Variants in NT5DC3 observed in about 807,000 individuals in gnomAD.
NT5DC3 encodes 5'-nucleotidase domain containing 3.
NT5DC3 carries 42 observed loss-of-function variants against 67.8 expected under a neutral mutation model. The ratio of observed to expected loss-of-function variants is 0.62; its 90% CI spans 0.48 to 0.80. The LOEUF (loss-of-function observed/expected upper bound fraction) is 0.80. Ranked by LOEUF, NT5DC3 falls within the 30% of genes least tolerant of loss-of-function variation. NT5DC3 has a pLI of 0.00. For synonymous variants in NT5DC3, 237 were observed against 255.6 expected (o/e 0.93, Z 0.69); for missense variants, 570 against 696.4 (o/e 0.82, Z 2.04).
chr12:103,785,787 CA>C (rs1427478153), intron 11 of NT5DC3: 15 of 476,222 alleles, frequency 3.1e-5, no homozygotes, highest in East Asian at 5.3e-5. Flanking sequence ...AAAATGAGGT[CA>C]GGGGCAGAAA....
In NT5DC3 at chr12:103,773,558, A is replaced by G. The variant is rs1885244132; in HGVS notation, c.*4271T>C. On this transcript the variant is annotated 3_prime_UTR_variant, in exon 14 of 14. Transcript: ENST00000392876. ...CTCCTAAGGCAAAAAAGAAAGAAAG[A>G]AAAACCTGGTACAAAAGAAAGTCGA... 6.6e-6 allele frequency: 1 copy of G among 152,262 alleles called. No homozygotes were observed. The highest frequency in any genetic ancestry group is 2.1e-4 in the South Asian group (1 of 4,832). 9.4% of individuals were successfully genotyped at this position (152,262 alleles called of 1,614,324 possible). A position where few individuals can be genotyped will look rare whatever the true frequency, so the allele number is the denominator to read the frequency against.
intron 3 of NT5DC3, among the ~76,000 whole-genome samples, 180 bp from the exon 4 acceptor site, chr12:103,806,557 G>A (rs1886808090): frequency 6.6e-6 from 1 of 152,072 alleles, no homozygotes; most frequent in Admixed American, 6.5e-5. Flanking sequence ...TTAAAGAAAT[G>A]GCCTATCTGC....
At chr12:103,818,191 C>A (rs186318523) in intron 1 of NT5DC3, among the ~76,000 whole-genome samples, 9 of 152,124 alleles carry the variant, frequency 5.9e-5, no homozygotes, top group Admixed American at 3.9e-4. Context: ...TAAAACCAAG[C>A]CTTTATATCC....
chr12:103,810,157 C>G (rs1035963865), intron 2 of NT5DC3, among the ~76,000 whole-genome samples: 3 of 152,212 alleles, frequency 2.0e-5, no homozygotes, highest in African/African-American at 7.2e-5. Context: ...CCCTGCTACT[C>G]TCCTGTATGA....
chr12:103,746,949 C>CT, the NT5DC3 span, among the ~76,000 whole-genome samples: 65 of 96,072 alleles, frequency 6.8e-4, no homozygotes, highest in Non-Finnish European at 9.2e-4. Context: ...GTTTTTCTTT[C>CT]TTTTTTTTTT....
intron 1 of NT5DC3, among the ~76,000 whole-genome samples, chr12:103,838,330 T>C (rs536952396): frequency 1.3e-5 from 2 of 152,334 alleles, no homozygotes; most frequent in East Asian, 3.9e-4. Flanking sequence ...AGCTGTCTCA[T>C]GCGCCAGGCA....
rs1468039829 is a variant in NT5DC3 at position 103,780,237 on chromosome 12, T to C, written c.1394+63A>G. On this transcript the variant is annotated intron_variant, in intron 13 of 13. Transcript: ENST00000392876. ...CCTCAGGCTGGCCCTGGGGAACACA[T>C]GTGGGCTGAGCACAGCCAGAACAGG... 3.6e-6 allele frequency: 5 copies of C among 1,403,830 alleles called. No individual in the cohort carries two copies. The East Asian group carries it at 6.8e-5, about 19-fold the overall frequency. 87.0% of individuals were successfully genotyped at this position (1,403,830 alleles called of 1,614,324 possible). A position where few individuals can be genotyped will look rare whatever the true frequency, so the allele number is the denominator to read the frequency against.
chr12:103,787,258 T>TAAAA (rs60157729), intron 11 of NT5DC3, among the ~76,000 whole-genome samples, 183 bp downstream of exon 11: 3 of 143,590 alleles, frequency 2.1e-5, no homozygotes, highest in East Asian at 2.0e-4. Flanking sequence ...CCTGTTCTGT[T>TAAAA]AAAAAAAAAA....
intron 9 of NT5DC3, among the ~76,000 whole-genome samples, chr12:103,791,122 A>G (rs1045560384): frequency 3.9e-5 from 6 of 152,194 alleles, no homozygotes; most frequent in Non-Finnish European, 8.8e-5. Context: ...GGATGAATAC[A>G]GATGGAGAAT....
At chr12:103,818,934 G>A (rs1593427897) in intron 1 of NT5DC3, among the ~76,000 whole-genome samples, 1 of 152,194 alleles carries the variant, frequency 6.6e-6, no homozygotes, top group Non-Finnish European at 1.5e-5. Flanking sequence ...CTTACAGAAT[G>A]AGCAAAAGCT....
At chr12:103,838,777 AG>A (rs1367807122) in intron 1 of NT5DC3, among the ~76,000 whole-genome samples, 2 of 152,110 alleles carry the variant, frequency 1.3e-5, no homozygotes, top group Non-Finnish European at 2.9e-5. Flanking sequence ...AACAGCAAAA[AG>A]GAATGCACTA....
At chr12:103,750,741 T>C in the NT5DC3 span, 3 of 1,603,368 alleles carry the variant, frequency 1.9e-6, no homozygotes, top group African/African-American at 4.0e-5. Context: ...CCAGGGCCTA[T>C]GGCCCAAAGC....
At position 103,773,222 on chromosome 12, in the gene NT5DC3, C is replaced by G. The variant is rs1192147176; in HGVS notation, c.*4607G>C. ...CAAGCCACAGCCTGAGGACCAAATA[C>G]AGCCCACAGCTTGTCTTGGTAAATC... On this transcript the variant is annotated 3_prime_UTR_variant, in exon 14 of 14. Coordinates refer to ENST00000392876, the MANE Select transcript of NT5DC3 (RefSeq NM_001031701.3). 1.3e-5 allele frequency: 2 copies of G among 152,238 alleles called. No homozygotes were observed. The highest frequency in any genetic ancestry group is 4.1e-4 in the South Asian group (2 of 4,834). 9.4% of individuals were successfully genotyped at this position (152,238 alleles called of 1,614,324 possible). A position where few individuals can be genotyped will look rare whatever the true frequency, so the allele number is the denominator to read the frequency against.
chr12:103,785,388 T>A lies in NT5DC3; in HGVS notation c.1276A>T (p.Ile426Phe). 6.2e-7 allele frequency: 1 copy of A among 1,614,126 alleles called. No individual in the cohort carries two copies. Among genetic ancestry groups the A allele is most frequent in the Non-Finnish European group, 8.5e-7 (1 of 1,179,962 alleles). The change falls in exon 12 of 14, where the codon ATT becomes TTT. Residue 426 changes from isoleucine to phenylalanine, a missense_variant. By Grantham distance (21) the Ile-to-Phe change is conservative. This residue lies in a region of NT5DC3 where 466 missense variants were observed against 608.0 expected (regional missense o/e 0.77). Transcript: ENST00000392876. Reference sequence around the variant, plus strand: ...GTCTGCAGCCAGGTCATGGTTTGAATGTATTGCTCCGTGTTCATGATTTTG... The same window carrying A: ...GTCTGCAGCCAGGTCATGGTTTGAAAGTATTGCTCCGTGTTCATGATTTTG... ...ELKIMNTEQY[I>F]QTMTWLQTLT...
downstream of NT5DC3, among the ~76,000 whole-genome samples, chr12:103,772,046 C>T (rs1487916662): frequency 6.6e-6 from 1 of 152,052 alleles, no homozygotes. Context: ...AGTGGGTGTG[C>T]TTGCTGTGGG....
intron 9 of NT5DC3, among the ~76,000 whole-genome samples, 174 bp downstream of exon 9, chr12:103,792,990 C>T (rs1036216107): frequency 6.6e-6 from 1 of 152,216 alleles, no homozygotes; most frequent in African/African-American, 2.4e-5. Context: ...TGCAAACTGT[C>T]TGTTACGTGC....
chr12:103,767,896 C>T (rs1885052053), downstream of NT5DC3, among the ~76,000 whole-genome samples: 1 of 151,466 alleles, frequency 6.6e-6, no homozygotes, highest in South Asian at 2.1e-4. Context: ...GCCTGACTAA[C>T]ATGGTGAAAC....
Position 103,773,852 on chromosome 12 carries a change from C to A in NT5DC3, c.*3977G>T, listed in dbSNP as rs1216324975. On this transcript the variant is annotated 3_prime_UTR_variant, in exon 14 of 14. Coordinates refer to ENST00000392876, the MANE Select transcript of NT5DC3 (RefSeq NM_001031701.3). ...AGGACCACAAGACTACTTTTCAATT[C>A]TCCTTTGCAATAATTAAGAGTGCCA... is the stretch of plus-strand genomic sequence containing the variant. 1 of 152,658 alleles carries A rather than the reference C, an allele frequency of 6.6e-6. No homozygotes were observed. The highest frequency in any genetic ancestry group is 2.4e-5 in the African/African-American group (1 of 41,452). 9.5% of individuals were successfully genotyped at this position (152,658 alleles called of 1,614,324 possible). A position where few individuals can be genotyped will look rare whatever the true frequency, so the allele number is the denominator to read the frequency against.
At position 103,777,636 on chromosome 12, in the gene NT5DC3, G is replaced by C; in HGVS notation, c.*193C>G. ...AAGCTTGCCTTTCAGCCCTGCATGGGGGGAAAGGCTGGAGGGGTGGGCTGC... is the reference window on the plus strand; with the variant it reads ...AAGCTTGCCTTTCAGCCCTGCATGGCGGGAAAGGCTGGAGGGGTGGGCTGC... On this transcript the variant is annotated 3_prime_UTR_variant, in exon 14 of 14. Coordinates refer to ENST00000392876, the MANE Select transcript of NT5DC3 (RefSeq NM_001031701.3). The C allele has an allele frequency of 1.6e-6, 1 of 635,154 alleles. No homozygotes were observed. The highest frequency in any genetic ancestry group is 2.6e-6 in the Non-Finnish European group (1 of 382,148). The allele number at this position is 635,154 out of a possible 1,614,324, so 39.3% of individuals were successfully genotyped here.
Sources: gnomAD v4.1 joint callset for allele counts (sites outside exome capture counted in the v4.1 genomes callset) on GRCh38, gnomAD v4.1.1 for gene constraint, gnomAD v4.1.1 regional missense constraint, MANE v1.5 for transcripts, NCBI Gene and HGNC (gene_info 2026-07-23, HGNC 2026-07-21) for gene names.